The following UGCG variants were observed in gnomAD, a reference collection of about 807,000 sequenced individuals.
UGCG encodes the protein UDP-glucose ceramide glucosyltransferase, also known as ceramide glucosyltransferase.
UGCG carries 10 observed loss-of-function variants against 49.5 expected under a neutral mutation model. The ratio of observed to expected loss-of-function variants is 0.20; its 90% confidence interval spans 0.12 to 0.34. UGCG has a LOEUF of 0.34. Ranked by LOEUF, UGCG falls within the 10% of genes least tolerant of loss-of-function variation. UGCG has a pLI of 1.00. For missense variants in UGCG, 312 were observed against 483.7 expected (o/e 0.65, Z 3.33); for synonymous variants, 182 against 158.2 (o/e 1.15, Z -1.13).
intron 4 of UGCG, among the ~76,000 whole-genome samples, chr9:111,925,910 A>G (rs2118584094): frequency 6.6e-6 from 1 of 152,324 alleles, no homozygotes; most frequent in Non-Finnish European, 1.5e-5. Flanking sequence ...TATGTTTTTC[A>G]GTGTACAGAT....
At chr9:111,929,811 A>T in intron 6 of UGCG, 133 bp downstream of exon 6, 1 of 1,020,318 alleles carries the variant, frequency 9.8e-7, no homozygotes, top group Non-Finnish European at 1.4e-6. Flanking sequence ...GAATAGGTCA[A>T]TAATTTTATT....
chr9:111,907,423 GC>G (rs1649129108), intron 1 of UGCG, among the ~76,000 whole-genome samples: 1 of 152,162 alleles, frequency 6.6e-6, no homozygotes, highest in Non-Finnish European at 1.5e-5. Flanking sequence ...GGAATGCAAA[GC>G]AGTGGGTTGG....
intron 7 of UGCG, 146 bp from the exon 8 acceptor site, chr9:111,932,024 A>G (rs1286893095): frequency 8.3e-6 from 1 of 119,992 alleles, no homozygotes; most frequent in Non-Finnish European, 1.2e-5. Context: ...CGTCTCAAGT[A>G]AAAAAAAAAA....
chr9:111,931,098 G>A (rs1264209625), intron 6 of UGCG, among the ~76,000 whole-genome samples, 173 bp from the exon 7 acceptor site: 1 of 152,148 alleles, frequency 6.6e-6, no homozygotes. Flanking sequence ...CAGCATAATT[G>A]CTAAAACATC....
At chr9:111,928,530 A>G (rs1838365730) in intron 5 of UGCG, among the ~76,000 whole-genome samples, 1 of 152,240 alleles carries the variant, frequency 6.6e-6, no homozygotes, top group Admixed American at 6.5e-5. Context: ...TCAGTGACTA[A>G]CATCTCATTC....
At chr9:111,928,195 G>C (rs538235229) in intron 5 of UGCG, among the ~76,000 whole-genome samples, 7 of 152,148 alleles carry the variant, frequency 4.6e-5, no homozygotes, top group Non-Finnish European at 1.0e-4. Flanking sequence ...TTGGCAGTTT[G>C]AACCATGAGC....
At chr9:111,913,085 T>C (rs530860916) in intron 1 of UGCG, among the ~76,000 whole-genome samples, 4 of 152,370 alleles carry the variant, frequency 2.6e-5, no homozygotes, top group Admixed American at 2.0e-4. Context: ...TCAAGATGCA[T>C]TGATGCAAGT....
intron 5 of UGCG, 66 bp from the exon 6 acceptor site, chr9:111,929,434 C>G (rs912479574): frequency 6.6e-6 from 10 of 1,506,034 alleles, no homozygotes; most frequent in Non-Finnish European, 8.0e-6. Flanking sequence ...TTGGGAAAAA[C>G]AGTTCGTGAA....
chr9:111,913,563 G>C (rs993352960), intron 1 of UGCG, among the ~76,000 whole-genome samples: 1 of 150,862 alleles, frequency 6.6e-6, no homozygotes. Flanking sequence ...CTCCCGAGTA[G>C]CTGGGATTAT....
At position 111,902,423 on chromosome 9, in the gene UGCG, C is replaced by A. The variant is rs550613690; in HGVS notation, c.98+5110C>A. Among the ~76,000 whole-genome samples, 4 of 152,278 alleles carry A rather than the reference C, an allele frequency of 2.6e-5. No homozygotes were observed. In the East Asian group the frequency reaches 7.7e-4, roughly 29 times the overall value. ...TATGAAGCCCATTTTGAAGCAATACCATTTTTGAAATAAGTGATACAGGTA... is the reference window on the plus strand; with the variant it reads ...TATGAAGCCCATTTTGAAGCAATACAATTTTTGAAATAAGTGATACAGGTA... On this transcript the variant is annotated intron_variant, in intron 1 of 8. Coordinates refer to ENST00000374279, the MANE Select transcript of UGCG (RefSeq NM_003358.3).
chr9:111,913,731 C>T (rs114229535), intron 1 of UGCG, among the ~76,000 whole-genome samples: 5,866 of 151,818 alleles, frequency 0.039, 168 homozygotes, highest in African/African-American at 0.075. Context: ...TGTGAGCCAC[C>T]ACACCTGTGT....
At chr9:111,912,029 G>GATATATATATATATATATAT (rs60468274) in intron 1 of UGCG, among the ~76,000 whole-genome samples, 14 of 64,586 alleles carry the variant, frequency 2.2e-4, no homozygotes, top group African/African-American at 2.4e-4. Context: ...TATTCAACAG[G>GATATATATATATATATATAT]ATATATATAT....
chr9:111,918,438 A>T (rs1012618884), intron 2 of UGCG, among the ~76,000 whole-genome samples: 1 of 152,210 alleles, frequency 6.6e-6, no homozygotes, highest in Admixed American at 6.5e-5. Flanking sequence ...ATTCCTGGTT[A>T]AAATCTGATA....
chr9:111,919,503 C>T (rs1838177890), intron 2 of UGCG, among the ~76,000 whole-genome samples: 1 of 149,168 alleles, frequency 6.7e-6, no homozygotes, highest in South Asian at 2.1e-4. Flanking sequence ...ATTAAAGATA[C>T]TATGCTGGCT....
At chr9:111,897,347 G>A (rs770197638) in intron 1 of UGCG, 34 bp downstream of exon 1, 2 of 1,515,076 alleles carry the variant, frequency 1.3e-6, no homozygotes, top group African/African-American at 2.8e-5. Context: ...GCTCGGGGCA[G>A]GGGTCCGGGC....
chr9:111,932,532 G>A (rs756938663), intron 8 of UGCG, among the ~76,000 whole-genome samples, 173 bp downstream of exon 8: 1 of 152,268 alleles, frequency 6.6e-6, no homozygotes, highest in Admixed American at 6.5e-5. Context: ...AACTTAAGTC[G>A]ATTTGCAACT....
At chr9:111,915,789 A>G (rs1262290704) in intron 2 of UGCG, 1 of 985,084 alleles carries the variant, frequency 1.0e-6, no homozygotes, top group Non-Finnish European at 1.2e-6. Flanking sequence ...ACCAATGAAA[A>G]GAATAGAGAA....
At chr9:111,915,888 TGCTTTGGA>T (rs1838101515) in intron 2 of UGCG, 10 of 950,232 alleles carry the variant, frequency 1.1e-5, no homozygotes, top group Middle Eastern at 5.3e-4. Context: ...TTTATATTAT[TGCTTTGGA>T]GTTTTGGAGT....
chr9:111,921,321 A>G (rs771368991), intron 2 of UGCG, among the ~76,000 whole-genome samples: 2 of 151,762 alleles, frequency 1.3e-5, no homozygotes, highest in Non-Finnish European at 2.9e-5. Context: ...CAAATAATAG[A>G]GTAGTATTTT....
Sources: gnomAD v4.1 joint callset for allele counts (sites outside exome capture counted in the v4.1 genomes callset) on GRCh38, gnomAD v4.1.1 for gene constraint, MANE v1.5 for transcripts, NCBI Gene and HGNC (gene_info 2026-07-23, HGNC 2026-07-21) for gene names.